MRC1: variants seen among roughly 807,000 people sequenced by gnomAD.
The protein encoded by MRC1 is macrophage mannose receptor 1.
In MRC1, 62 loss-of-function variants were observed where a neutral mutation model predicts 102.9. That is an observed-to-expected ratio of 0.60 (90% CI 0.49 to 0.74). The LOEUF (loss-of-function observed/expected upper bound fraction) is 0.74. MRC1 is among the 30% of genes least tolerant of loss of function. MRC1 has a pLI of 0.00. For synonymous variants in MRC1, 457 were observed against 298.4 expected (o/e 1.53, Z -5.48); for missense variants, 1,237 against 862.8 (o/e 1.43, Z -5.43).
chr10:17,890,099 TAGGTTGGTGGGTTTTTTCTTTCAGCA>T (rs1833652268), intron 22 of MRC1, among the ~76,000 whole-genome samples: 1 of 152,212 alleles, frequency 6.6e-6, no homozygotes, highest in Non-Finnish European at 1.5e-5. Context: ...GACAGAATTC[TAGGTTGGTGGGTTTTTTCTTTCAGCA>T]CTTTAAATAT....
intron 1 of MRC1, among the ~76,000 whole-genome samples, chr10:17,816,070 T>A (rs949201210): frequency 6.6e-6 from 1 of 152,210 alleles, no homozygotes. Context: ...GTGATCCGCC[T>A]GCCTTGGCCT....
intron 26 of MRC1, among the ~76,000 whole-genome samples, chr10:17,906,092 C>G (rs1833891124): frequency 6.6e-6 from 1 of 152,022 alleles, no homozygotes. Flanking sequence ...TTTGAATGGT[C>G]CTATACATAA....
chr10:17,901,895 T>C, intron 25 of MRC1, 78 bp from the exon 26 acceptor site: 2 of 779,346 alleles, frequency 2.6e-6, no homozygotes, highest in Non-Finnish European at 2.4e-6. Context: ...GATCAGTTTT[T>C]GTAGCTGCTA....
intron 3 of MRC1, among the ~76,000 whole-genome samples, chr10:17,833,168 T>C (rs1838605357): frequency 6.6e-6 from 1 of 152,120 alleles, no homozygotes; most frequent in Admixed American, 6.6e-5. Context: ...CTTTGAAACC[T>C]CATCCCCTAC....
chr10:17,841,716 A>G (rs1298517314), intron 5 of MRC1, among the ~76,000 whole-genome samples: 1 of 146,520 alleles, frequency 6.8e-6, no homozygotes, highest in Non-Finnish European at 1.5e-5. Context: ...TTCAATCCCC[A>G]CCCCTCAATC....
chr10:17,845,600 A>G (rs1471923977), intron 6 of MRC1, among the ~76,000 whole-genome samples, 165 bp downstream of exon 6: 2 of 152,098 alleles, frequency 1.3e-5, no homozygotes, highest in African/African-American at 4.8e-5. Context: ...GGTTGCTAGT[A>G]TTTCCTGAGT....
At chr10:17,870,678 C>T (rs1013950473) in intron 13 of MRC1, among the ~76,000 whole-genome samples, 170 bp from the exon 14 acceptor site, 1 of 152,154 alleles carries the variant, frequency 6.6e-6, no homozygotes, top group Admixed American at 6.6e-5. Context: ...ATGGGATATA[C>T]CAAAATGCAC....
intron 28 of MRC1, among the ~76,000 whole-genome samples, chr10:17,908,994 AT>A (rs1290063037): frequency 5.3e-5 from 8 of 152,224 alleles, no homozygotes; most frequent in Non-Finnish European, 8.8e-5. Flanking sequence ...AAGGGTGAGT[AT>A]CAGTGGCTCA....
chr10:17,907,493 A>G (rs1554843967), intron 27 of MRC1, 41 bp from the exon 28 acceptor site: 1 of 780,330 alleles, frequency 1.3e-6, no homozygotes, highest in Admixed American at 1.7e-5. Context: ...AAGATAGGTT[A>G]TATTTAACTT....
intron 26 of MRC1, among the ~76,000 whole-genome samples, chr10:17,905,554 T>G (rs1326233417): frequency 1.3e-5 from 2 of 151,834 alleles, no homozygotes; most frequent in African/African-American, 4.8e-5. Context: ...TGTAGAAACT[T>G]TGTTTTCCAT....
intron 11 of MRC1, among the ~76,000 whole-genome samples, chr10:17,864,011 T>C (rs1833225492): frequency 6.6e-6 from 1 of 152,144 alleles, no homozygotes; most frequent in African/African-American, 2.4e-5. Context: ...TTTCTTTCTT[T>C]CTTTTTTTTG....
intron 12 of MRC1, among the ~76,000 whole-genome samples, chr10:17,867,364 C>CCTTCTT (rs782794499): frequency 0.041 from 5,809 of 141,290 alleles, 391 homozygotes; most frequent in African/African-American, 0.14. Context: ...TTCTCCTTCT[C>CCTTCTT]CTTCTTCTTC....
At chr10:17,810,269 G>A (rs1180520682) in intron 1 of MRC1, among the ~76,000 whole-genome samples, 1 of 152,034 alleles carries the variant, frequency 6.6e-6, no homozygotes, top group Admixed American at 6.6e-5. Context: ...GGAGTGCCTC[G>A]GGGGATTTTC....
At chr10:17,888,070 C>T (rs1336582736) in intron 22 of MRC1, among the ~76,000 whole-genome samples, 1 of 152,110 alleles carries the variant, frequency 6.6e-6, no homozygotes, top group Non-Finnish European at 1.5e-5. Flanking sequence ...TCCCAAAGTG[C>T]TGGGATTACA....
intron 8 of MRC1, among the ~76,000 whole-genome samples, chr10:17,854,304 T>C (rs1185497094): frequency 3.3e-5 from 5 of 152,238 alleles, no homozygotes; most frequent in East Asian, 1.9e-4. Context: ...CCAGCCCATA[T>C]TTATTGTTCA....
At chr10:17,828,465 G>A (rs1838518436) in intron 3 of MRC1, among the ~76,000 whole-genome samples, 1 of 151,412 alleles carries the variant, frequency 6.6e-6, no homozygotes, top group Non-Finnish European at 1.5e-5. Flanking sequence ...AGGTAGGTAG[G>A]CATGCTATTA....
intron 28 of MRC1, among the ~76,000 whole-genome samples, chr10:17,908,493 C>G (rs1034941994): frequency 4.0e-5 from 6 of 151,476 alleles, no homozygotes; most frequent in Admixed American, 3.3e-4. Context: ...TAGAATTTGG[C>G]GGGTCTTTAG....
chr10:17,887,840 G>C (rs1833621535), intron 22 of MRC1, among the ~76,000 whole-genome samples: 2 of 152,136 alleles, frequency 1.3e-5, no homozygotes. Context: ...GTCTCACACT[G>C]TCGCCCGGCT....
At chr10:17,810,380 A>G (rs1838203942) in intron 1 of MRC1, among the ~76,000 whole-genome samples, 1 of 152,160 alleles carries the variant, frequency 6.6e-6, no homozygotes, top group Non-Finnish European at 1.5e-5. Flanking sequence ...ACACTTGCAG[A>G]GAATGGTTTG....
Sources: gnomAD v4.1 joint callset for allele counts (sites outside exome capture counted in the v4.1 genomes callset) on GRCh38, gnomAD v4.1.1 for gene constraint, MANE v1.5 for transcripts, NCBI Gene and HGNC (gene_info 2026-07-23, HGNC 2026-07-21) for gene names.